GLYAT: variants seen among roughly 807,000 people sequenced by gnomAD.
GLYAT encodes the protein glycine N-acyltransferase.
GLYAT carries 25 observed loss-of-function variants against 22.8 expected under a neutral mutation model. The observed-to-expected ratio is 1.09, with a 90% CI of 0.80 to 1.53. The LOEUF (loss-of-function observed/expected upper bound fraction) is 1.53, where lower values mean the gene tolerates loss of function less well. GLYAT is among the 40% of genes most tolerant of loss of function. The pLI, the probability that GLYAT is intolerant of heterozygous loss-of-function variation, is 0.00. For missense variants in GLYAT, 411 were observed against 353.9 expected (o/e 1.16, Z -1.29); for synonymous variants, 140 against 122.7 (o/e 1.14, Z -0.93).
chr11:58,724,697 G>C (rs1249806620), intron 1 of GLYAT, among the ~76,000 whole-genome samples, 186 bp from the exon 2 acceptor site: 1 of 151,924 alleles, frequency 6.6e-6, no homozygotes, highest in East Asian at 1.9e-4. Flanking sequence ...GAGTTTTTTA[G>C]CTCTTTTTTC....
At chr11:58,712,985 GTTTTATTGGTGTATCACAATTAT>G in intron 3 of GLYAT, 99 bp from the exon 4 acceptor site, 1 of 713,800 alleles carries the variant, frequency 1.4e-6, no homozygotes, top group Non-Finnish European at 2.2e-6. Context: ...AATATTGGTA[GTTTTATTGGTGTATCACAATTAT>G]TTCTTTTTTA....
rs545797835 is a variant in GLYAT, at chr11:58,712,943, T to C, written c.190-57A>G. ...CATCCTTATATTTTATGATTACATA[T>C]AATTTTATACTGTGATATTTCTAAG... On this transcript the variant is annotated intron_variant, in intron 3 of 5. Transcript: ENST00000344743. 7.9e-6 allele frequency: 9 copies of C among 1,145,156 alleles called. No individual in the cohort carries two copies. The East Asian group carries it at 9.9e-5, about 13-fold the overall frequency. 70.9% of individuals were successfully genotyped at this position (1,145,156 alleles called of 1,614,324 possible).
intron 1 of GLYAT, among the ~76,000 whole-genome samples, chr11:58,730,717 G>A (rs946151676): frequency 1.3e-5 from 2 of 152,134 alleles, no homozygotes; most frequent in Non-Finnish European, 2.9e-5. Flanking sequence ...GTTACAATGA[G>A]TTATGTTCAT....
intron 2 of GLYAT, among the ~76,000 whole-genome samples, chr11:58,722,737 A>G (rs763086711): frequency 1.3e-5 from 2 of 152,084 alleles, no homozygotes; most frequent in Non-Finnish European, 2.9e-5. Context: ...ACACTAGTGA[A>G]CAGAACATAG....
Position 58,710,225 on chromosome 11 carries a change from G to A in GLYAT, c.489-57C>T. 3 of 1,541,518 alleles carry A rather than the reference G, an allele frequency of 1.9e-6. No homozygotes were observed. The Admixed American group carries it at 5.9e-5, about 30-fold the overall frequency. On this transcript the variant is annotated intron_variant, in intron 5 of 5. Coordinates refer to ENST00000344743, the MANE Select transcript of GLYAT (RefSeq NM_201648.3). ...ATTAGTATAAAGGTTTGTATTTGCT[G>A]TGACCTCTATTGTCTTGAGAGACAG...
chr11:58,718,875 A>G (rs924258079), intron 2 of GLYAT, among the ~76,000 whole-genome samples: 1 of 152,040 alleles, frequency 6.6e-6, no homozygotes, highest in Non-Finnish European at 1.5e-5. Context: ...ACACAATATG[A>G]TTATTATTGA....
rs1213084522 is a variant in GLYAT, at chr11:58,722,438, T to G, written c.81+1978A>C. ...GGGAGATATGAGGCCTCGATCAATA[T>G]ATGTAAGAAGTACTTTGGTTCGGTT... On this transcript the variant is annotated intron_variant, in intron 2 of 5. Coordinates refer to ENST00000344743, the MANE Select transcript of GLYAT (RefSeq NM_201648.3). 3.9e-5 allele frequency among the ~76,000 whole-genome samples: 6 copies of G among 152,058 alleles called. No individual in the cohort carries two copies. In the East Asian group the frequency reaches 1.2e-3, roughly 29 times the overall value.
At position 58,723,576 on chromosome 11, in the gene GLYAT, C is replaced by T. The variant is rs186897422; in HGVS notation, c.81+840G>A. ...AATGTATTTACCTGAAATGTATGCA[C>T]TATATAGGAATGTCTTCTAAAACAA... On this transcript the variant is annotated intron_variant, in intron 2 of 5. Transcript: ENST00000344743. Among the ~76,000 whole-genome samples, 889 of 152,102 alleles carry T rather than the reference C, an allele frequency of 5.8e-3. 7 individuals are homozygous for T. The highest frequency in any genetic ancestry group is 0.02 in the African/African-American group (841 of 41,536).
chr11:58,721,993 G>A (rs2134491245), intron 2 of GLYAT, among the ~76,000 whole-genome samples: 1 of 152,186 alleles, frequency 6.6e-6, no homozygotes, highest in South Asian at 2.1e-4. Context: ...ACACCAGGTA[G>A]TTGTTAAATG....
chr11:58,713,198 C>T (rs916913824), intron 3 of GLYAT, among the ~76,000 whole-genome samples: 7 of 152,162 alleles, frequency 4.6e-5, no homozygotes, highest in African/African-American at 4.8e-5. Flanking sequence ...TATAGTCATC[C>T]TATGTTAAAC....
chr11:58,709,690 T>G lies in GLYAT; in HGVS notation c.*76A>C. The G allele has an allele frequency of 6.9e-7, 1 of 1,455,960 alleles. No homozygotes were observed. The allele number at this position is 1,455,960 out of a possible 1,614,324, so 90.2% of individuals were successfully genotyped here. ...TTTACTGCTGATTACAATTTATTAT[T>G]TCTTTTCATCCACCATCCACTCCTC... On this transcript the variant is annotated 3_prime_UTR_variant, in exon 6 of 6. Transcript: ENST00000344743.
At chr11:58,728,384 TG>T (rs1856832048) in intron 1 of GLYAT, among the ~76,000 whole-genome samples, 1 of 152,042 alleles carries the variant, frequency 6.6e-6, no homozygotes, top group South Asian at 2.1e-4. Flanking sequence ...AAACTTTCAC[TG>T]TGGCTCTAAA....
intron 4 of GLYAT, 84 bp downstream of exon 4, chr11:58,712,676 C>T (rs1158403730): frequency 7.7e-6 from 9 of 1,165,326 alleles, no homozygotes; most frequent in Non-Finnish European, 1.1e-5. Context: ...GAGTCTGGAG[C>T]TTGGAGGAAG....
chr11:58,715,437 A>C lies in GLYAT; in HGVS notation c.82-14T>G. On this transcript the variant is annotated splice_polypyrimidine_tract_variant and intron_variant, in intron 2 of 5. Transcript: ENST00000344743. Reference sequence around the variant, plus strand: ...AGTTCCATAAACCTGCAGGATCCCAAGAAATTGACAGGGTTGGTTTATTTG... The same window carrying C: ...AGTTCCATAAACCTGCAGGATCCCACGAAATTGACAGGGTTGGTTTATTTG... 8.7e-7 allele frequency: 1 copy of C among 1,151,042 alleles called. No individual in the cohort carries two copies. Among genetic ancestry groups the C allele is most frequent in the Non-Finnish European group, 1.3e-6 (1 of 764,768 alleles). 71.3% of individuals were successfully genotyped at this position (1,151,042 alleles called of 1,614,324 possible).
intron 2 of GLYAT, 54 bp downstream of exon 2, chr11:58,724,362 C>A: frequency 2.1e-6 from 2 of 946,536 alleles, no homozygotes; most frequent in Admixed American, 2.0e-5. Flanking sequence ...CCTTTCCCTC[C>A]TCTTTCACAT....
At position 58,715,328 on chromosome 11, in the gene GLYAT, G is replaced by A. The variant is rs1856666027; in HGVS notation, c.177C>T (p.Cys59=). The A allele has an allele frequency of 2.7e-6, 4 of 1,500,126 alleles. No individual in the cohort carries two copies. Among genetic ancestry groups the A allele is most frequent in the Non-Finnish European group, 3.7e-6 (4 of 1,077,152 alleles). 92.9% of individuals were successfully genotyped at this position (1,500,126 alleles called of 1,614,324 possible). A position where few individuals can be genotyped will look rare whatever the true frequency, so the allele number is the denominator to read the frequency against. Residue 59 remains cysteine (C), a synonymous_variant, in exon 3 of 6, where the codon TGC becomes TGT. Coordinates refer to ENST00000344743, the MANE Select transcript of GLYAT (RefSeq NM_201648.3). ...KWPDFNTVVV[C]PQEQDMTDDL... Reference sequence around the variant, plus strand: ...CATGGAAACTTACCTGCTCCTGAGGGCAGACAACCACTGTATTAAAATCAG... The same window carrying A: ...CATGGAAACTTACCTGCTCCTGAGGACAGACAACCACTGTATTAAAATCAG...
chr11:58,721,137 T>G (rs1046567917), intron 2 of GLYAT, among the ~76,000 whole-genome samples: 2 of 151,920 alleles, frequency 1.3e-5, no homozygotes, highest in Admixed American at 1.3e-4. Context: ...TATAGATTTA[T>G]AAAGATCACC....
In GLYAT at chr11:58,728,881, AGAAAGAAAGAAGGAAG is replaced by A. The variant is rs1429860573; in HGVS notation, c.-16+2938_-16+2953del. On this transcript the variant is annotated intron_variant, in intron 1 of 5. Transcript: ENST00000344743. ...AAGAAAGAAAGAAAGAAAGAAAGAAAGAAAGAAAGAAGGAAGGAAGGAAGGAAGGAAGGAAGGAAGG... is the reference window on the plus strand; with the variant it reads ...AAGAAAGAAAGAAAGAAAGAAAGAAAGAAGGAAGGAAGGAAGGAAGGAAGG... Among the ~76,000 whole-genome samples the A allele has an allele frequency of 5.6e-3, 697 of 124,822 alleles. 4 individuals are homozygous for A. Among genetic ancestry groups the A allele is most frequent in the African/African-American group, 0.02 (641 of 31,436 alleles). The allele number at this position is 124,822 out of a possible 152,430, so 81.9% of individuals were successfully genotyped here.
intron 3 of GLYAT, among the ~76,000 whole-genome samples, chr11:58,714,262 C>T (rs777402032): frequency 1.3e-4 from 20 of 152,012 alleles, no homozygotes; most frequent in Non-Finnish European, 2.2e-4. Context: ...TTGTACAACT[C>T]GGTGACTATA....
Sources: allele counts gnomAD v4.1 joint callset (sites outside exome capture counted in the v4.1 genomes callset), GRCh38; gene constraint gnomAD v4.1.1; transcripts MANE v1.5; gene names NCBI Gene and HGNC (gene_info 2026-07-23, HGNC 2026-07-21).